SYTL2: variants seen among roughly 807,000 people sequenced by gnomAD.
SYTL2 encodes the protein synaptotagmin like 2, also known as synaptotagmin-like protein 2.
Under a neutral mutation model 198.7 loss-of-function variants are expected in SYTL2, and 165 were observed. The ratio of observed to expected loss-of-function variants is 0.83; its 90% CI spans 0.73 to 0.94. The LOEUF is 0.94. Ranked by LOEUF, SYTL2 falls within the 40% of genes least tolerant of loss-of-function variation. The pLI, the probability that SYTL2 is intolerant of heterozygous loss-of-function variation, is 0.00. For missense variants in SYTL2, 2,835 were observed against 2,582.8 expected (o/e 1.10, Z -2.12); for synonymous variants, 966 against 917.7 (o/e 1.05, Z -0.95).
chr11:85,761,704 G>A (rs2092100469), intron 1 of SYTL2, among the ~76,000 whole-genome samples: 1 of 152,198 alleles, frequency 6.6e-6, no homozygotes, highest in African/African-American at 2.4e-5. Flanking sequence ...CATTGCCCAG[G>A]CTGTAGTACA....
intron 6 of SYTL2, 25 bp downstream of exon 6, chr11:85,736,476 T>C: frequency 8.0e-7 from 1 of 1,251,976 alleles, no homozygotes; most frequent in Non-Finnish European, 1.1e-6. Flanking sequence ...GATAAAAAAA[T>C]CAAGTTCATA....
chr11:85,754,767 T>C (rs904658788), intron 2 of SYTL2, among the ~76,000 whole-genome samples: 2 of 152,118 alleles, frequency 1.3e-5, no homozygotes, highest in Admixed American at 1.3e-4. Flanking sequence ...TCATTAGTGG[T>C]AGGAATGAGA....
intron 1 of SYTL2, among the ~76,000 whole-genome samples, chr11:85,765,240 G>C (rs972051651): frequency 6.6e-6 from 1 of 152,142 alleles, no homozygotes; most frequent in African/African-American, 2.4e-5. Flanking sequence ...CCAACAATAG[G>C]TTGCCTTTTT....
chr11:85,821,086 C>A, the SYTL2 span, among the ~76,000 whole-genome samples: 1 of 152,206 alleles, frequency 6.6e-6, no homozygotes, highest in African/African-American at 2.4e-5. Flanking sequence ...ACAGGCAACT[C>A]TGAAACAGTG....
Position 85,782,200 on chromosome 11 carries a change from A to G in SYTL2, c.-389-24086T>C, listed in dbSNP as rs539092323. On this transcript the variant is annotated intron_variant, in intron 1 of 19. Transcript: ENST00000359152. ...TGACTTCTGTGCACTGGTAGGCTCA[A>G]AACCATGTGGAAGCTGCCAAGGCTT... Among the ~76,000 whole-genome samples the G allele has an allele frequency of 4.7e-4, 72 of 152,362 alleles. 1 individual carries two copies. The highest frequency in any genetic ancestry group is 1.0e-3 in the Admixed American group (16 of 15,304).
At chr11:85,739,867 A>C (rs1053777600) in intron 4 of SYTL2, among the ~76,000 whole-genome samples, 2 of 152,114 alleles carry the variant, frequency 1.3e-5, no homozygotes, top group Non-Finnish European at 2.9e-5. Flanking sequence ...TCTTGCATTA[A>C]AGCAGTGGCT....
chr11:85,821,572 G>A, the SYTL2 span, among the ~76,000 whole-genome samples: 1 of 152,190 alleles, frequency 6.6e-6, no homozygotes, highest in Non-Finnish European at 1.5e-5. Context: ...AAAAGGCCTG[G>A]AAAGTCCAGC....
chr11:85,717,275 C>A, intron 11 of SYTL2: 1 of 405,490 alleles, frequency 2.5e-6, no homozygotes, highest in Non-Finnish European at 4.5e-6. Flanking sequence ...TACAACTCTC[C>A]CTCAGTGGAA....
chr11:85,816,136 G>A (rs536444165), upstream of SYTL2, among the ~76,000 whole-genome samples: 3 of 152,184 alleles, frequency 2.0e-5, no homozygotes, highest in Admixed American at 6.5e-5. Context: ...CTGCATTCCA[G>A]CCTGGGTGAC....
intron 3 of SYTL2, among the ~76,000 whole-genome samples, chr11:85,747,021 T>C (rs1192623075): frequency 1.3e-5 from 2 of 152,338 alleles, no homozygotes; most frequent in South Asian, 2.1e-4. Flanking sequence ...TATCACATGC[T>C]CAAAAGATGA....
At chr11:85,789,783 G>A (rs1021222246) in intron 1 of SYTL2, among the ~76,000 whole-genome samples, 15 of 152,158 alleles carry the variant, frequency 9.9e-5, no homozygotes, top group African/African-American at 3.6e-4. Context: ...CCGAACAAAT[G>A]TGGATCTCTA....
intron 1 of SYTL2, among the ~76,000 whole-genome samples, chr11:85,797,012 T>C (rs1042518940): frequency 5.9e-5 from 9 of 152,046 alleles, no homozygotes; most frequent in South Asian, 2.1e-4. Flanking sequence ...AACATAGCAA[T>C]ACCCCATCTC....
chr11:85,828,678 A>G, the SYTL2 span, among the ~76,000 whole-genome samples: 1 of 152,234 alleles, frequency 6.6e-6, no homozygotes, highest in South Asian at 2.1e-4. Context: ...GCATGATTTC[A>G]TTTGATCCTC....
At chr11:85,698,200 T>C (rs1188119696) in intron 17 of SYTL2, 122 bp from the exon 18 acceptor site, 12 of 658,466 alleles carry the variant, frequency 1.8e-5, no homozygotes, top group Non-Finnish European at 3.2e-5. Flanking sequence ...GATGATATCA[T>C]CTGAACTGAT....
At chr11:85,745,605 T>G in intron 4 of SYTL2, 32 bp downstream of exon 4, 1 of 1,597,196 alleles carries the variant, frequency 6.3e-7, no homozygotes, top group Non-Finnish European at 8.6e-7. Flanking sequence ...GAAAGCCACA[T>G]GCAGCAGCTC....
chr11:85,747,465 G>A (rs1185481778), intron 3 of SYTL2, among the ~76,000 whole-genome samples: 3 of 152,174 alleles, frequency 2.0e-5, no homozygotes, highest in African/African-American at 7.2e-5. Flanking sequence ...CAATTCAGTA[G>A]ATGGGTGGAT....
intron 4 of SYTL2, among the ~76,000 whole-genome samples, chr11:85,742,564 A>G (rs922416080): frequency 6.6e-6 from 1 of 152,240 alleles, no homozygotes; most frequent in African/African-American, 2.4e-5. Context: ...CTGGTTCACA[A>G]TGAGATAAGT....
Position 85,724,605 on chromosome 11 carries a change from C to G in SYTL2, c.4753G>C (p.Val1585Leu). ...TCGTGAGTTTCTTCTCTCACTGACA[C>G]CTGGGGCTGATAAGGAGGAGCTTCA... ...ITEAPPYQPQ[V>L]SVREETHEKE... The change falls in exon 8 of 20, where the codon GTG (valine) becomes CTG (leucine). Residue 1585 changes from valine (V) to leucine (L), a missense_variant. Transcript: ENST00000359152. The G allele has an allele frequency of 6.2e-7, 1 of 1,613,338 alleles. No individual in the cohort carries two copies. The highest frequency in any genetic ancestry group is 1.3e-5 in the African/African-American group (1 of 74,924).
intron 9 of SYTL2, chr11:85,719,095 G>A (rs2087852283): frequency 6.7e-7 from 1 of 1,490,350 alleles, no homozygotes; most frequent in Non-Finnish European, 8.9e-7. Flanking sequence ...AGGGTTAGAG[G>A]GTTAGTTCAG....
Sources: gnomAD v4.1 joint callset for allele counts (sites outside exome capture counted in the v4.1 genomes callset) on GRCh38, gnomAD v4.1.1 for gene constraint, MANE v1.5 for transcripts, NCBI Gene and HGNC (gene_info 2026-07-23, HGNC 2026-07-21) for gene names.